The following TSHZ2 variants were observed in gnomAD, a reference collection of about 807,000 sequenced individuals.
TSHZ2 encodes teashirt zinc finger homeobox 2.
A neutral mutation model predicts 74.4 loss-of-function variants in TSHZ2; 21 were observed. The ratio of observed to expected loss-of-function variants is 0.28; its 90% confidence interval spans 0.20 to 0.41. TSHZ2 has a LOEUF of 0.41. Ranked by LOEUF, TSHZ2 falls within the 10% of genes least tolerant of loss-of-function variation. The probability of loss-of-function intolerance (pLI) is 1.00; values close to 1 mark genes in which losing one functional copy is unlikely to be tolerated. For missense variants in TSHZ2, 1,244 were observed against 1,293.5 expected (o/e 0.96, Z 0.59); for synonymous variants, 540 against 515.3 (o/e 1.05, Z -0.65).
intron 1 of TSHZ2, among the ~76,000 whole-genome samples, chr20:53,153,196 G>A (rs1419123353): frequency 6.6e-6 from 1 of 152,190 alleles, no homozygotes; most frequent in Non-Finnish European, 1.5e-5. Context: ...TGTGACCATA[G>A]CCCCTGACAC....
chr20:53,264,448 T>C (rs915090522), intron 2 of TSHZ2, among the ~76,000 whole-genome samples: 1 of 152,188 alleles, frequency 6.6e-6, no homozygotes, highest in Non-Finnish European at 1.5e-5. Context: ...TTTCAAAGCA[T>C]GGTGCCTTTA....
chr20:53,440,802 G>C (rs1002896077), intron 2 of TSHZ2, among the ~76,000 whole-genome samples: 2 of 152,126 alleles, frequency 1.3e-5, no homozygotes, highest in Non-Finnish European at 2.9e-5. Flanking sequence ...TAGCTCAAGA[G>C]CTGCACAAAA....
intron 1 of TSHZ2, among the ~76,000 whole-genome samples, chr20:53,225,127 A>G (rs1372766725): frequency 2.0e-5 from 3 of 152,222 alleles, no homozygotes; most frequent in Admixed American, 1.3e-4. Flanking sequence ...ATTAGTGAAA[A>G]CAGGCAGTGG....
At chr20:53,073,296 T>TCATC (rs570436818) in intron 1 of TSHZ2, among the ~76,000 whole-genome samples, 41 of 120,406 alleles carry the variant, frequency 3.4e-4, no homozygotes, top group East Asian at 1.6e-3. Context: ...ATCCATCCCT[T>TCATC]CATCCATCCA....
chr20:53,021,175 A>G (rs1344656765), intron 1 of TSHZ2, among the ~76,000 whole-genome samples: 1 of 152,150 alleles, frequency 6.6e-6, no homozygotes, highest in African/African-American at 2.4e-5. Context: ...TAGCACTTGG[A>G]TTGAATAAAG....
intron 2 of TSHZ2, among the ~76,000 whole-genome samples, chr20:53,438,901 G>A (rs557943037): frequency 1.7e-3 from 260 of 152,190 alleles, no homozygotes; most frequent in African/African-American, 5.8e-3. Flanking sequence ...CGGAGGTTGC[G>A]GTGAGCTGAG....
intron 2 of TSHZ2, among the ~76,000 whole-genome samples, chr20:53,450,727 G>T (rs1209158182): frequency 3.9e-5 from 6 of 152,208 alleles, no homozygotes; most frequent in Non-Finnish European, 8.8e-5. Flanking sequence ...TCCCCATGTT[G>T]CCCAGGCTGG....
At chr20:53,309,846 G>C (rs1321633700) in intron 2 of TSHZ2, among the ~76,000 whole-genome samples, 3 of 152,158 alleles carry the variant, frequency 2.0e-5, no homozygotes, top group Non-Finnish European at 4.4e-5. Context: ...AGTGTGCTCT[G>C]TGTAACATGA....
chr20:53,263,890 G>A (rs535926346), intron 2 of TSHZ2, among the ~76,000 whole-genome samples: 1 of 152,302 alleles, frequency 6.6e-6, no homozygotes, highest in East Asian at 1.9e-4. Flanking sequence ...GAGGAGGGGG[G>A]CAGGCTGGGC....
rs1218095084 is a variant in TSHZ2 at position 53,491,566 on chromosome 20, G to A, written c.*4431G>A. ...TTTGGTTCCCAGTGACAGATTCAGA[G>A]GCATACGCAGATATACAATTTTCAG... On this transcript the variant is annotated 3_prime_UTR_variant, in exon 3 of 3. Transcript: ENST00000371497. The A allele has an allele frequency of 3.3e-5, 5 of 152,164 alleles. No homozygotes were observed. The highest frequency in any genetic ancestry group is 1.3e-4 in the Admixed American group (2 of 15,274). 9.4% of individuals were successfully genotyped at this position (152,164 alleles called of 1,614,324 possible).
At chr20:53,365,349 G>A (rs1056758485) in intron 2 of TSHZ2, among the ~76,000 whole-genome samples, 1 of 152,164 alleles carries the variant, frequency 6.6e-6, no homozygotes, top group African/African-American at 2.4e-5. Context: ...AGCTTGGGGG[G>A]GTCGGGGGAG....
At chr20:53,052,679 G>A (rs771135190) in intron 1 of TSHZ2, among the ~76,000 whole-genome samples, 6 of 151,990 alleles carry the variant, frequency 3.9e-5, no homozygotes, top group Non-Finnish European at 8.8e-5. Context: ...ACTACATTTC[G>A]TTTAGTCATT....
At chr20:53,464,501 T>G (rs1010939513) in intron 2 of TSHZ2, among the ~76,000 whole-genome samples, 1 of 152,042 alleles carries the variant, frequency 6.6e-6, no homozygotes, top group African/African-American at 2.4e-5. Context: ...TCTCTCTCAT[T>G]GCGCAGGCTA....
intron 2 of TSHZ2, among the ~76,000 whole-genome samples, chr20:53,423,607 T>C (rs754417705): frequency 6.6e-6 from 1 of 152,228 alleles, no homozygotes; most frequent in Non-Finnish European, 1.5e-5. Context: ...GAGTTTTCTC[T>C]AGACTTTGCC....
intron 1 of TSHZ2, among the ~76,000 whole-genome samples, chr20:53,140,838 G>T (rs529390163): frequency 1.6e-4 from 24 of 152,304 alleles, no homozygotes; most frequent in Admixed American, 4.6e-4. Context: ...ATGCCAGGTA[G>T]AATCTGTCCA....
intron 1 of TSHZ2, among the ~76,000 whole-genome samples, chr20:53,225,846 G>A (rs927400136): frequency 6.6e-6 from 1 of 152,076 alleles, no homozygotes; most frequent in Non-Finnish European, 1.5e-5. Context: ...TATTATTACA[G>A]CTCTAAATTG....
At chr20:53,443,631 G>A (rs1169698073) in intron 2 of TSHZ2, among the ~76,000 whole-genome samples, 1 of 152,192 alleles carries the variant, frequency 6.6e-6, no homozygotes. Flanking sequence ...TCATTCTAAG[G>A]CTTAAAGCAA....
intron 2 of TSHZ2, among the ~76,000 whole-genome samples, chr20:53,321,588 G>C (rs888898770): frequency 2.0e-5 from 3 of 146,586 alleles, no homozygotes; most frequent in Non-Finnish European, 4.5e-5. Context: ...GGAGGCTGAG[G>C]CAGGAGAATC....
chr20:53,089,077 G>A (rs1037859128), intron 1 of TSHZ2, among the ~76,000 whole-genome samples: 20 of 151,852 alleles, frequency 1.3e-4, no homozygotes, highest in African/African-American at 3.6e-4. Context: ...CGCCCCTGGC[G>A]CTCCGCAATC....
Sources: allele counts gnomAD v4.1 joint callset (sites outside exome capture counted in the v4.1 genomes callset), GRCh38; gene constraint gnomAD v4.1.1; transcripts MANE v1.5; gene names NCBI Gene and HGNC (gene_info 2026-07-23, HGNC 2026-07-21).